EXOC5: variants seen among roughly 807,000 people sequenced by gnomAD.
EXOC5 encodes exocyst complex component 5, also known as SEC10-like 1.
A neutral mutation model predicts 90.8 loss-of-function variants in EXOC5; 17 were observed. That is an observed-to-expected ratio of 0.19 (90% CI 0.13 to 0.28). EXOC5 has a LOEUF of 0.28. Among genes scored for constraint, EXOC5 ranks in the 10% least tolerant of loss-of-function variants. The pLI, the probability that EXOC5 is intolerant of heterozygous loss-of-function variation, is 1.00. For synonymous variants in EXOC5, 260 were observed against 270.0 expected, an observed-to-expected ratio of 0.96 and a Z score of 0.36; for missense variants, 569 against 830.6, an observed-to-expected ratio of 0.69 and a Z score of 3.87.
At chr14:57,216,321 T>C (rs1882972598) in intron 15 of EXOC5, among the ~76,000 whole-genome samples, 1 of 146,746 alleles carries the variant, frequency 6.8e-6, no homozygotes, top group Non-Finnish European at 1.5e-5. Context: ...CCAGAAAAAA[T>C]CCTGAATAGC....
chr14:57,256,914 A>C (rs1197194012), intron 1 of EXOC5, among the ~76,000 whole-genome samples: 1 of 152,194 alleles, frequency 6.6e-6, no homozygotes, highest in Non-Finnish European at 1.5e-5. Flanking sequence ...ACTTCTCCAC[A>C]TGCTCAATCT....
intron 12 of EXOC5, among the ~76,000 whole-genome samples, chr14:57,222,713 T>C (rs1481891720): frequency 4.0e-5 from 6 of 150,642 alleles, no homozygotes; most frequent in African/African-American, 9.8e-5. Flanking sequence ...TATATATATA[T>C]ACCCCCATAT....
At chr14:57,249,808 G>A (rs1199776054) in intron 1 of EXOC5, among the ~76,000 whole-genome samples, 1 of 152,138 alleles carries the variant, frequency 6.6e-6, no homozygotes, top group Non-Finnish European at 1.5e-5. Flanking sequence ...TTTCGCTCTT[G>A]TTGCCCAGGC....
At chr14:57,246,939 T>C in intron 2 of EXOC5, 81 bp from the exon 3 acceptor site, 1 of 778,604 alleles carries the variant, frequency 1.3e-6, no homozygotes, top group Non-Finnish European at 2.0e-6. Flanking sequence ...ATAATCATAG[T>C]CTTAATAAGA....
intron 5 of EXOC5, among the ~76,000 whole-genome samples, chr14:57,238,375 T>TATATATATATAC (rs1239623225): frequency 4.1e-4 from 31 of 74,894 alleles, no homozygotes; most frequent in South Asian, 2.3e-3. Context: ...TATATATATA[T>TATATATATATAC]ACACACACAC....
intron 1 of EXOC5, among the ~76,000 whole-genome samples, chr14:57,266,931 T>C (rs1185828915): frequency 6.6e-6 from 1 of 151,954 alleles, no homozygotes; most frequent in African/African-American, 2.4e-5. Flanking sequence ...CATAAGATGG[T>C]CCAAGGTACA....
chr14:57,201,436 ACACACGTGTGTATATATACACACG>A lies in EXOC5; in HGVS notation c.*7149_*7172del, dbSNP rs1303784086. The stretch of plus-strand genomic sequence containing the variant: ...CTGATTAGTATATATATATACACAC[ACACACGTGTGTATATATACACACG>A]CGTGTATATGTACACACACGTGTAT... On this transcript the variant is annotated 3_prime_UTR_variant, in exon 18 of 18. Coordinates refer to ENST00000621441, the MANE Select transcript of EXOC5 (RefSeq NM_006544.4). 1.2e-4 allele frequency: 18 copies of A among 146,186 alleles called. No individual in the cohort carries two copies. Among genetic ancestry groups the A allele is most frequent in the Admixed American group, 2.1e-4 (3 of 14,612 alleles). 9.1% of individuals were successfully genotyped at this position (146,186 alleles called of 1,614,324 possible).
At chr14:57,214,290 G>A (rs1882910207) in intron 15 of EXOC5, among the ~76,000 whole-genome samples, 1 of 152,022 alleles carries the variant, frequency 6.6e-6, no homozygotes, top group Non-Finnish European at 1.5e-5. Context: ...TTTCCCTTGT[G>A]GATACTCAAA....
At chr14:57,211,408 T>G (rs1411182437) in intron 15 of EXOC5, among the ~76,000 whole-genome samples, 1 of 140,956 alleles carries the variant, frequency 7.1e-6, no homozygotes, top group Admixed American at 6.6e-5. Context: ...TTTTTCTCAC[T>G]TGAAATATGG....
intron 11 of EXOC5, among the ~76,000 whole-genome samples, chr14:57,230,939 C>T (rs745630658): frequency 5.3e-5 from 8 of 149,778 alleles, no homozygotes; most frequent in Non-Finnish European, 1.0e-4. Flanking sequence ...AACTATGGAA[C>T]TTTTTATATT....
intron 4 of EXOC5, 121 bp from the exon 5 acceptor site, chr14:57,239,780 T>C: frequency 1.7e-6 from 1 of 577,232 alleles, no homozygotes; most frequent in Non-Finnish European, 3.0e-6. Flanking sequence ...CCTAAAAAAA[T>C]TTCCTTTAAA....
rs1882573436 is a variant in EXOC5 at position 57,203,985 on chromosome 14, T to G, written c.*4624A>C. The G allele has an allele frequency of 6.6e-6, 1 of 152,592 alleles. No homozygotes were observed. The highest frequency in any genetic ancestry group is 1.5e-5 in the Non-Finnish European group (1 of 68,004). 9.5% of individuals were successfully genotyped at this position (152,592 alleles called of 1,614,324 possible). On this transcript the variant is annotated 3_prime_UTR_variant, in exon 18 of 18. Coordinates refer to ENST00000621441, the MANE Select transcript of EXOC5 (RefSeq NM_006544.4). ...ATCTATGCCTTCTGAATAAATGACT[T>G]TCCTCTGAGGTTGACTGCTATGTGA...
At chr14:57,237,934 T>C (rs1883712578) in intron 5 of EXOC5, among the ~76,000 whole-genome samples, 1 of 152,004 alleles carries the variant, frequency 6.6e-6, no homozygotes, top group Non-Finnish European at 1.5e-5. Context: ...CTTTACAAAT[T>C]AAAAAACTAA....
In EXOC5 at chr14:57,200,685, T is replaced by C. The variant is rs1248924786; in HGVS notation, c.*7924A>G. ...CATTTCAAATTTAATTCTTTCAAAATGTAAGTTCTGTGTCTTGGGCATAAC... is the reference window on the plus strand; with the variant it reads ...CATTTCAAATTTAATTCTTTCAAAACGTAAGTTCTGTGTCTTGGGCATAAC... On this transcript the variant is annotated 3_prime_UTR_variant, in exon 18 of 18. Coordinates refer to ENST00000621441, the MANE Select transcript of EXOC5 (RefSeq NM_006544.4). The C allele has an allele frequency of 1.3e-5, 2 of 151,044 alleles. No homozygotes were observed. Among genetic ancestry groups the C allele is most frequent in the Non-Finnish European group, 2.9e-5 (2 of 67,920 alleles). The allele number at this position is 151,044 out of a possible 1,614,324, so 9.4% of individuals were successfully genotyped here.
rs1447442126 is a variant in EXOC5, at chr14:57,205,161, TAAATC to T, written c.*3443_*3447del. On this transcript the variant is annotated 3_prime_UTR_variant, in exon 18 of 18. Transcript: ENST00000621441. ...ACTTATTAGCACAGTGTGTGAGACT[TAAATC>T]AATACATGTAACTATAATTATCTTT... 2 of 152,014 alleles carry T rather than the reference TAAATC, an allele frequency of 1.3e-5. No homozygotes were observed. The highest frequency in any genetic ancestry group is 2.9e-5 in the Non-Finnish European group (2 of 67,904). The allele number at this position is 152,014 out of a possible 1,614,324, so 9.4% of individuals were successfully genotyped here.
Position 57,268,864 on chromosome 14 carries a change from G to C in EXOC5, c.-216C>G. On this transcript the variant is annotated 5_prime_UTR_variant, in exon 1 of 18. Transcript: ENST00000621441. ...TCAGCTGCCTCCCGGCGCCGCCCGC[G>C]CTGCTCCCATTGTCACCGCCTCATA... 5.5e-6 allele frequency: 7 copies of C among 1,280,286 alleles called. No individual in the cohort carries two copies. The highest frequency in any genetic ancestry group is 7.2e-6 in the Non-Finnish European group (7 of 974,640). 79.3% of individuals were successfully genotyped at this position (1,280,286 alleles called of 1,614,324 possible). A position where few individuals can be genotyped will look rare whatever the true frequency, so the allele number is the denominator to read the frequency against.
chr14:57,232,676 A>C lies in EXOC5; in HGVS notation c.929T>G (p.Leu310Arg). ...ATCATTAAAAATTTACCTTGTATAC[A>C]GATCATAGAGATTTTTGAGATATTG... ...AEQYLKNLYD[L>R]YTRTTNLSSK... The change falls in exon 10 of 18, where the codon CTG becomes CGG. Residue 310 changes from leucine to arginine, a missense_variant. Leu to Arg is a moderately radical substitution (Grantham distance 102, BLOSUM62 -2). This residue lies in a region of EXOC5 where 114 missense variants were observed against 111.2 expected (regional missense o/e 1.03). Transcript: ENST00000621441. 1.4e-6 allele frequency: 2 copies of C among 1,414,100 alleles called. No individual in the cohort carries two copies. Among genetic ancestry groups the C allele is most frequent in the Non-Finnish European group, 2.0e-6 (2 of 1,023,830 alleles). 87.6% of individuals were successfully genotyped at this position (1,414,100 alleles called of 1,614,324 possible). A position where few individuals can be genotyped will look rare whatever the true frequency, so the allele number is the denominator to read the frequency against.
intron 12 of EXOC5, among the ~76,000 whole-genome samples, chr14:57,223,436 C>G (rs1205958643): frequency 6.6e-6 from 1 of 151,898 alleles, no homozygotes; most frequent in East Asian, 1.9e-4. Context: ...TCTATAACCC[C>G]CTTTGAATTC....
intron 5 of EXOC5, among the ~76,000 whole-genome samples, chr14:57,238,349 CATAT>C (rs146486005): frequency 0.053 from 4,706 of 88,976 alleles, 177 homozygotes; most frequent in African/African-American, 0.088. Flanking sequence ...CCTAATTAGA[CATAT>C]ATATATATAT....
Sources: allele counts gnomAD v4.1 joint callset (sites outside exome capture counted in the v4.1 genomes callset), GRCh38; gene constraint gnomAD v4.1.1; regional missense constraint gnomAD v4.1.1; transcripts MANE v1.5; gene names NCBI Gene and HGNC (gene_info 2026-07-23, HGNC 2026-07-21).